CFTR: variants seen among roughly 807,000 people sequenced by gnomAD.
CFTR encodes the protein CF transmembrane conductance regulator, also known as cystic fibrosis transmembrane conductance regulator.
In CFTR, 181 loss-of-function variants were observed where a neutral mutation model predicts 171.6. That is an observed-to-expected ratio of 1.05 (90% CI 0.93 to 1.19). The LOEUF (loss-of-function observed/expected upper bound fraction) is 1.19. CFTR is among the 50% of genes most tolerant of loss of function. The pLI, the probability that CFTR is intolerant of heterozygous loss-of-function variation, is 0.00. For synonymous variants in CFTR, 583 were observed against 608.0 expected, an observed-to-expected ratio of 0.96 and a Z score of 0.60; for missense variants, 1,968 against 1,734.7, an observed-to-expected ratio of 1.13 and a Z score of -2.39.
At chr7:117,664,179 T>C (rs1440686502) in intron 24 of CFTR, among the ~76,000 whole-genome samples, 1 of 152,184 alleles carries the variant, frequency 6.6e-6, no homozygotes, top group Non-Finnish European at 1.5e-5. Flanking sequence ...CTATCTTTTG[T>C]CCTCAGTCAT....
intron 9 of CFTR, 35 bp downstream of exon 9, chr7:117,542,143 CCTAA>C (rs2115882875): frequency 1.0e-6 from 1 of 984,282 alleles, no homozygotes; most frequent in Non-Finnish European, 1.6e-6. Flanking sequence ...GCTCTAAACA[CCTAA>C]CTGTTTTCTT....
intron 11 of CFTR, among the ~76,000 whole-genome samples, chr7:117,579,665 G>C (rs1014677407): frequency 2.0e-5 from 3 of 147,738 alleles, no homozygotes; most frequent in African/African-American, 7.4e-5. Context: ...TTAGATATTA[G>C]AGCCATTAAA....
Position 117,592,606 on chromosome 7 carries a change from T to C in CFTR, c.2439T>C (p.Ser813=), listed in dbSNP as rs2116033726. 1 of 1,528,720 alleles carries C rather than the reference T, an allele frequency of 6.5e-7. No individual in the cohort carries two copies. The highest frequency in any genetic ancestry group is 2.3e-5 in the Admixed American group (1 of 43,804). 94.7% of individuals were successfully genotyped at this position (1,528,720 alleles called of 1,614,324 possible). The change falls in exon 14 of 27, where the codon TCT becomes TCC. Residue 813 remains serine (S), a synonymous_variant. Transcript: ENST00000003084. ...TELDIYSRRL[S]QETGLEISEE... ...TGGATATATATTCAAGAAGGTTATC[T>C]CAAGAAACTGGCTTGGAAATAAGTG...
At chr7:117,635,121 T>A (rs1792805644) in intron 22 of CFTR, among the ~76,000 whole-genome samples, 1 of 152,130 alleles carries the variant, frequency 6.6e-6, no homozygotes, top group Non-Finnish European at 1.5e-5. Flanking sequence ...CTTCATGTCT[T>A]TTGATGCTTT....
At chr7:117,586,942 A>C (rs1438152498) in intron 11 of CFTR, among the ~76,000 whole-genome samples, 2 of 152,206 alleles carry the variant, frequency 1.3e-5, no homozygotes, top group African/African-American at 2.4e-5. Context: ...TTTATAAACT[A>C]TCTTAAAATG....
At chr7:117,514,998 GT>G (rs1018698721) in intron 3 of CFTR, among the ~76,000 whole-genome samples, 19 of 148,024 alleles carry the variant, frequency 1.3e-4, no homozygotes, top group South Asian at 2.1e-4. Flanking sequence ...CCTTAATAGG[GT>G]TTTTTTTTTC....
Position 117,500,842 on chromosome 7 carries a change from G to A in CFTR, c.54-3411G>A, listed in dbSNP as rs905112946. 1.6e-3 allele frequency among the ~76,000 whole-genome samples: 240 copies of A among 152,176 alleles called. 2 individuals are homozygous for A. Among genetic ancestry groups the A allele is most frequent in the African/African-American group, 5.6e-3 (234 of 41,508 alleles). Reference sequence around the variant, plus strand: ...GTCTTTATATTACTGAATTTGTTTGGTTTGATGATGCTAGGCTATGGCATT... The same window carrying A: ...GTCTTTATATTACTGAATTTGTTTGATTTGATGATGCTAGGCTATGGCATT... On this transcript the variant is annotated intron_variant, in intron 1 of 26. Coordinates refer to ENST00000003084, the MANE Select transcript of CFTR (RefSeq NM_000492.4).
chr7:117,597,834 G>A (rs920818726), intron 15 of CFTR, among the ~76,000 whole-genome samples: 1 of 151,654 alleles, frequency 6.6e-6, no homozygotes, highest in Non-Finnish European at 1.5e-5. Flanking sequence ...AAGGGGCGGG[G>A]GGGCAGAATG....
At chr7:117,567,150 T>C (rs1791614788) in intron 11 of CFTR, among the ~76,000 whole-genome samples, 1 of 152,236 alleles carries the variant, frequency 6.6e-6, no homozygotes, top group Non-Finnish European at 1.5e-5. Context: ...GACATATATA[T>C]GCCCGATGTT....
In CFTR at chr7:117,627,744, T is replaced by C. The variant is rs1792676456; in HGVS notation, c.3691T>C (p.Ser1231Pro). 1 of 1,612,642 alleles carries C rather than the reference T, an allele frequency of 6.2e-7. No individual in the cohort carries two copies. Among genetic ancestry groups the C allele is most frequent in the South Asian group, 1.1e-5 (1 of 91,068 alleles). The change falls in exon 22 of 27, where the codon TCC becomes CCC. Residue 1231 changes from serine to proline, a missense_variant. Coordinates refer to ENST00000003084, the MANE Select transcript of CFTR (RefSeq NM_000492.4). ...TGGAAATGCCATATTAGAGAACATTTCCTTCTCAATAAGTCCTGGCCAGAG... is the reference window on the plus strand; with the variant it reads ...TGGAAATGCCATATTAGAGAACATTCCCTTCTCAATAAGTCCTGGCCAGAG... ...EGGNAILENI[S>P]FSISPGQRVG...
intron 1 of CFTR, among the ~76,000 whole-genome samples, chr7:117,485,426 A>G (rs1798058691): frequency 6.6e-6 from 1 of 152,208 alleles, no homozygotes; most frequent in Non-Finnish European, 1.5e-5. Flanking sequence ...GAGATCTTGT[A>G]GAAAGATTAA....
intron 20 of CFTR, 33 bp downstream of exon 20, chr7:117,611,841 T>A: frequency 6.7e-7 from 1 of 1,498,358 alleles, no homozygotes; most frequent in Non-Finnish European, 9.3e-7. Flanking sequence ...AGCTAAGCAT[T>A]TAAGTAAAAA....
intron 11 of CFTR, among the ~76,000 whole-genome samples, chr7:117,581,743 A>G (rs554434627): frequency 5.9e-5 from 9 of 152,014 alleles, no homozygotes; most frequent in Admixed American, 1.3e-4. Context: ...TTAAAGTTTT[A>G]TTTTATTTTG....
intron 18 of CFTR, among the ~76,000 whole-genome samples, chr7:117,610,167 A>G (rs956628154): frequency 1.4e-5 from 2 of 141,264 alleles, no homozygotes; most frequent in African/African-American, 2.6e-5. Flanking sequence ...ATTCTCACTC[A>G]TAGGTGGGAA....
chr7:117,577,323 A>G (rs1791786939), intron 11 of CFTR, among the ~76,000 whole-genome samples: 1 of 152,120 alleles, frequency 6.6e-6, no homozygotes, highest in Non-Finnish European at 1.5e-5. Context: ...TTTATTCTGA[A>G]GTTCACATGG....
chr7:117,506,071 T>C (rs1219900297), intron 2 of CFTR, among the ~76,000 whole-genome samples: 1 of 152,196 alleles, frequency 6.6e-6, no homozygotes, highest in Non-Finnish European at 1.5e-5. Context: ...TGGCATATGG[T>C]ATATACTCAA....
At position 117,606,764 on chromosome 7, in the gene CFTR, A is replaced by G; in HGVS notation, c.2988+11A>G. 7.1e-7 allele frequency: 1 copy of G among 1,402,818 alleles called. No individual in the cohort carries two copies. Among genetic ancestry groups the G allele is most frequent in the Non-Finnish European group, 1.0e-6 (1 of 987,708 alleles). The allele number at this position is 1,402,818 out of a possible 1,614,324, so 86.9% of individuals were successfully genotyped here. ...TTTGACTTCATCCAGGTATGTAAAA[A>G]TAAGTACCGTTAAGTATGTCTGTAT... On this transcript the variant is annotated intron_variant, in intron 18 of 26. Transcript: ENST00000003084.
At position 117,526,015 on chromosome 7, in the gene CFTR, T is replaced by C. The variant is rs1388740072; in HGVS notation, c.274-4884T>C. On this transcript the variant is annotated intron_variant, in intron 3 of 26. Coordinates refer to ENST00000003084, the MANE Select transcript of CFTR (RefSeq NM_000492.4). ...CATTTTGGCATGATTTTGCAGTGGC[T>C]GGTACTGGTTGTTCCTTTCCAGGTT... Among the ~76,000 whole-genome samples, 9 of 149,826 alleles carry C rather than the reference T, an allele frequency of 6.0e-5. No individual in the cohort carries two copies. The East Asian group carries it at 1.6e-3, about 26-fold the overall frequency.
chr7:117,648,934 T>C (rs1179942476), intron 23 of CFTR, among the ~76,000 whole-genome samples: 1 of 152,086 alleles, frequency 6.6e-6, no homozygotes, highest in Non-Finnish European at 1.5e-5. Flanking sequence ...CTTCAGTATC[T>C]AACACTAGAC....
Sources: allele counts gnomAD v4.1 joint callset (sites outside exome capture counted in the v4.1 genomes callset), GRCh38; gene constraint gnomAD v4.1.1; transcripts MANE v1.5; gene names NCBI Gene and HGNC (gene_info 2026-07-23, HGNC 2026-07-21).